The following WNT16 variants were observed in gnomAD, a reference collection of about 807,000 sequenced individuals.
WNT16 encodes the protein protein Wnt-16.
A neutral mutation model predicts 35.4 loss-of-function variants in WNT16; 20 were observed. The ratio of observed to expected loss-of-function variants is 0.56; its 90% CI spans 0.40 to 0.82. The LOEUF (loss-of-function observed/expected upper bound fraction) is 0.82, where lower values mean the gene tolerates loss of function less well. Among genes scored for constraint, WNT16 ranks in the 40% least tolerant of loss-of-function variants. The probability of loss-of-function intolerance (pLI) is 0.00; values close to 1 mark genes in which losing one functional copy is unlikely to be tolerated. For synonymous variants in WNT16, 180 were observed against 179.2 expected, an observed-to-expected ratio of 1.00 and a Z score of -0.03; for missense variants, 461 against 466.0, an observed-to-expected ratio of 0.99 and a Z score of 0.10.
At position 121,339,497 on chromosome 7, in the gene WNT16, C is replaced by A. The variant is rs963498125; in HGVS notation, c.*152C>A. 1.1e-5 allele frequency: 7 copies of A among 645,526 alleles called. No homozygotes were observed. Among genetic ancestry groups the A allele is most frequent in the Admixed American group, 5.9e-5 (2 of 33,640 alleles). The allele number at this position is 645,526 out of a possible 1,614,324, so 40.0% of individuals were successfully genotyped here. On this transcript the variant is annotated 3_prime_UTR_variant, in exon 4 of 4. Transcript: ENST00000222462. Reference sequence around the variant, plus strand: ...CTGAGAGTTTCCCTTACCTGATCGACATATTTTCCTTTATCTGATCAACCC... The same window carrying A: ...CTGAGAGTTTCCCTTACCTGATCGAAATATTTTCCTTTATCTGATCAACCC...
At chr7:121,326,038 CAAAAAAAAAAAA>C (rs386411143), upstream of WNT16, among the ~76,000 whole-genome samples, 25 of 23,092 alleles carry the variant, frequency 1.1e-3, 1 homozygote, top group South Asian at 0.045. Flanking sequence ...TACCTCATCT[CAAAAAAAAAAAA>C]AAAAAAAAAA....
upstream of WNT16, among the ~76,000 whole-genome samples, chr7:121,328,094 T>C (rs991923625): frequency 1.3e-5 from 2 of 152,218 alleles, no homozygotes; most frequent in African/African-American, 2.4e-5. Context: ...ATTTAATAAG[T>C]ACGTTTTTAA....
Position 121,331,912 on chromosome 7 carries a change from A to G in WNT16, c.581A>G (p.Glu194Gly), listed in dbSNP as rs1793356105. The stretch of plus-strand genomic sequence containing the variant: ...CCCATCGGAAACACCACGGGCAAAG[A>G]AAACAAAGTACTATTAGCAATGAAC... The part of the protein sequence containing the change: ...DFPIGNTTGK[E>G]NKVLLAMNLH... The change falls in exon 3 of 4, where the codon GAA becomes GGA. Residue 194 changes from glutamate (E) to glycine (G), a missense_variant. Physicochemically the swap from Glu to Gly is moderately conservative, Grantham distance 98 (BLOSUM62 -2). Coordinates refer to ENST00000222462, the MANE Select transcript of WNT16 (RefSeq NM_057168.2). The G allele has an allele frequency of 6.2e-7, 1 of 1,614,104 alleles. No individual in the cohort carries two copies. Among genetic ancestry groups the G allele is most frequent in the South Asian group, 1.1e-5 (1 of 91,090 alleles).
upstream of WNT16, among the ~76,000 whole-genome samples, chr7:121,326,472 G>T (rs1012215489): frequency 6.6e-6 from 1 of 152,128 alleles, no homozygotes; most frequent in South Asian, 2.1e-4. Flanking sequence ...TGACACAGTG[G>T]TCTCTGACTC....
chr7:121,337,982 C>A (rs1408028138), intron 3 of WNT16, among the ~76,000 whole-genome samples: 1 of 152,140 alleles, frequency 6.6e-6, no homozygotes, highest in Non-Finnish European at 1.5e-5. Context: ...AATTAATTTT[C>A]CAGAAAAGGA....
intron 2 of WNT16, 143 bp downstream of exon 2, chr7:121,329,960 A>C: frequency 7.6e-7 from 1 of 1,318,544 alleles, no homozygotes; most frequent in East Asian, 2.5e-5. Context: ...GGGGATTGAG[A>C]GCTACAAAGG....
At position 121,331,911 on chromosome 7, in the gene WNT16, G is replaced by A. The variant is rs867037785; in HGVS notation, c.580G>A (p.Glu194Lys). The change falls in exon 3 of 4, where the codon GAA becomes AAA. Residue 194 changes from glutamate to lysine, a missense_variant. By Grantham distance (56) the Glu-to-Lys change is moderately conservative. Transcript: ENST00000222462. ...CCCCATCGGAAACACCACGGGCAAA[G>A]AAAACAAAGTACTATTAGCAATGAA... ...DFPIGNTTGK[E>K]NKVLLAMNLH... is the part of the protein sequence containing the mutation. 6.2e-7 allele frequency: 1 copy of A among 1,614,142 alleles called. No individual in the cohort carries two copies. Among genetic ancestry groups the A allele is most frequent in the Non-Finnish European group, 8.5e-7 (1 of 1,180,032 alleles).
intron 3 of WNT16, among the ~76,000 whole-genome samples, chr7:121,332,696 A>G (rs187024539): frequency 5.7e-4 from 87 of 152,250 alleles, no homozygotes; most frequent in African/African-American, 2.1e-3. Context: ...TTTTAGGGAA[A>G]TAGTTATTTT....
chr7:121,334,370 G>A (rs780426475), intron 3 of WNT16, among the ~76,000 whole-genome samples: 10 of 151,730 alleles, frequency 6.6e-5, no homozygotes, highest in Non-Finnish European at 1.5e-4. Flanking sequence ...ACAGAGTTTT[G>A]TATTTTTCTT....
rs183303061 is a variant in WNT16 at position 121,341,028 on chromosome 7, A to T, written c.*1683A>T. ...ATTTTATTCACTGAGGCAGAGAAAC[A>T]ATTTTTGAAAAAGAGCAAACCCATG... On this transcript the variant is annotated 3_prime_UTR_variant, in exon 4 of 4. Coordinates refer to ENST00000222462, the MANE Select transcript of WNT16 (RefSeq NM_057168.2). 1 of 152,302 alleles carries T rather than the reference A, an allele frequency of 6.6e-6. No individual in the cohort carries two copies. The highest frequency in any genetic ancestry group is 1.9e-4 in the East Asian group (1 of 5,180). 9.4% of individuals were successfully genotyped at this position (152,302 alleles called of 1,614,324 possible). A position where few individuals can be genotyped will look rare whatever the true frequency, so the allele number is the denominator to read the frequency against.
At chr7:121,328,518 T>TGACAGTGG (rs1346148631), upstream of WNT16, among the ~76,000 whole-genome samples, 1 of 152,184 alleles carries the variant, frequency 6.6e-6, no homozygotes, top group African/African-American at 2.4e-5. Flanking sequence ...TAAAGTCTCC[T>TGACAGTGG]GACAGTGGGA....
intron 3 of WNT16, among the ~76,000 whole-genome samples, chr7:121,335,374 A>G (rs965098643): frequency 3.3e-5 from 5 of 152,216 alleles, no homozygotes; most frequent in Admixed American, 3.3e-4. Context: ...TTATCAAACC[A>G]AAATTTACAC....
At position 121,339,637 on chromosome 7, in the gene WNT16, A is replaced by C; in HGVS notation, c.*292A>C. The C allele has an allele frequency of 2.2e-6, 1 of 458,790 alleles. No homozygotes were observed. Among genetic ancestry groups the C allele is most frequent in the Non-Finnish European group, 3.8e-6 (1 of 260,564 alleles). The allele number at this position is 458,790 out of a possible 1,614,324, so 28.4% of individuals were successfully genotyped here. A position where few individuals can be genotyped will look rare whatever the true frequency, so the allele number is the denominator to read the frequency against. On this transcript the variant is annotated 3_prime_UTR_variant, in exon 4 of 4. Transcript: ENST00000222462. Reference sequence around the variant, plus strand: ...GAAGATAATCTGTTTCCTAAGCAAGAAATAACAGGAAAGATCCCTTATGCC... The same window carrying C: ...GAAGATAATCTGTTTCCTAAGCAAGCAATAACAGGAAAGATCCCTTATGCC...
Position 121,331,765 on chromosome 7 carries a change from CAG to C in WNT16, c.437_438del (p.Glu146ValfsTer4). On this transcript the variant is annotated frameshift_variant, in exon 3 of 4. Transcript: ENST00000222462. LOFTEE classifies it high-confidence loss of function. Reference sequence around the variant, plus strand: ...AGGTCATGCAGTGCAGGCAACATGACAGAGTGTTCCTGTGACACCACCTTGCA... The same window carrying C: ...AGGTCATGCAGTGCAGGCAACATGACAGTGTTCCTGTGACACCACCTTGCA... 6.2e-7 allele frequency: 1 copy of C among 1,614,188 alleles called. No individual in the cohort carries two copies. Among genetic ancestry groups the C allele is most frequent in the Non-Finnish European group, 8.5e-7 (1 of 1,180,030 alleles).
upstream of WNT16, chr7:121,325,426 C>T: frequency 2.5e-6 from 4 of 1,613,850 alleles, no homozygotes; most frequent in Non-Finnish European, 3.4e-6. Context: ...ATGCAGCTCA[C>T]CACTTGCCTC....
chr7:121,332,081 G>A (rs1008192680), intron 3 of WNT16, 117 bp downstream of exon 3: 3 of 1,200,928 alleles, frequency 2.5e-6, no homozygotes, highest in African/African-American at 3.1e-5. Flanking sequence ...CAGCCCTCAA[G>A]TGGGATCCTG....
Position 121,329,356 on chromosome 7 carries a change from C to T in WNT16, c.64C>T (p.Leu22=). The change falls in exon 1 of 4, where the codon CTG becomes TTG. Residue 22 remains leucine, a synonymous_variant. Transcript: ENST00000222462. ...CGCGCTGTGGGCAGCCCTGCTCGTGCTGTTCCCCTACGGAGCCCAAGGAAA... is the reference window on the plus strand; with the variant it reads ...CGCGCTGTGGGCAGCCCTGCTCGTGTTGTTCCCCTACGGAGCCCAAGGAAA... ...LCALWAALLV[L]FPYGAQGNWM... 3 of 1,608,864 alleles carry T rather than the reference C, an allele frequency of 1.9e-6. No homozygotes were observed. Among genetic ancestry groups the T allele is most frequent in the Non-Finnish European group, 1.7e-6 (2 of 1,177,604 alleles).
chr7:121,326,550 C>T (rs942236756), upstream of WNT16, among the ~76,000 whole-genome samples: 1 of 152,120 alleles, frequency 6.6e-6, no homozygotes, highest in African/African-American at 2.4e-5. Flanking sequence ...TGCTAGATTC[C>T]CAGAATAATA....
rs1478879046 is a variant in WNT16, at chr7:121,340,532, C to A, written c.*1187C>A. 1.3e-5 allele frequency: 2 copies of A among 151,854 alleles called. No homozygotes were observed. 9.4% of individuals were successfully genotyped at this position (151,854 alleles called of 1,614,324 possible). ...TAGATTAAAATATGTTGCAAAATAT[C>A]AAAAATTTGTGTTATTTCAGCAGTA... On this transcript the variant is annotated 3_prime_UTR_variant, in exon 4 of 4. Coordinates refer to ENST00000222462, the MANE Select transcript of WNT16 (RefSeq NM_057168.2).
Sources: allele counts gnomAD v4.1 joint callset (sites outside exome capture counted in the v4.1 genomes callset), GRCh38; gene constraint gnomAD v4.1.1; transcripts MANE v1.5; gene names NCBI Gene and HGNC (gene_info 2026-07-23, HGNC 2026-07-21).